The following ZFHX3 variants were observed in gnomAD, a reference collection of about 807,000 sequenced individuals.
ZFHX3 encodes zinc finger homeobox 3, also known as zinc finger homeobox protein 3.
Under a neutral mutation model 279.1 loss-of-function variants are expected in ZFHX3, and 42 were observed. The observed-to-expected ratio is 0.15, with a 90% CI of 0.12 to 0.19. The LOEUF is 0.19. Among genes scored for constraint, ZFHX3 ranks in the 10% least tolerant of loss-of-function variants. ZFHX3 has a pLI of 1.00. For missense variants in ZFHX3, 4,981 were observed against 4,754.0 expected (o/e 1.05, Z -1.40); for synonymous variants, 2,293 against 1,957.8 (o/e 1.17, Z -4.52).
At chr16:73,221,375 A>G (rs2012414775) in intron 5 of ZFHX3, among the ~76,000 whole-genome samples, 1 of 152,154 alleles carries the variant, frequency 6.6e-6, no homozygotes, top group African/African-American at 2.4e-5. Flanking sequence ...ATTGTTATAG[A>G]TTATTTATAC....
intron 4 of ZFHX3, among the ~76,000 whole-genome samples, chr16:73,271,087 G>A (rs914657094): frequency 6.6e-6 from 1 of 152,168 alleles, no homozygotes. Context: ...GATTTAATTT[G>A]TCTGGGGTGT....
intron 5 of ZFHX3, among the ~76,000 whole-genome samples, chr16:73,160,688 G>A (rs1967209320): frequency 6.6e-6 from 1 of 151,482 alleles, no homozygotes; most frequent in Admixed American, 6.6e-5. Context: ...AGAAAGAAAA[G>A]ATATTTGGAT....
intron 1 of ZFHX3, among the ~76,000 whole-genome samples, chr16:73,853,515 G>C (rs1225063202): frequency 6.6e-6 from 1 of 152,130 alleles, no homozygotes; most frequent in Non-Finnish European, 1.5e-5. Context: ...AGAATAAAAT[G>C]ATGTCCTTTG....
chr16:72,848,164 T>C (rs2037525110), intron 4 of ZFHX3, among the ~76,000 whole-genome samples: 1 of 152,068 alleles, frequency 6.6e-6, no homozygotes, highest in African/African-American at 2.4e-5. Context: ...TGAGGGGGAA[T>C]GGAGGGCAGG....
intron 1 of ZFHX3, among the ~76,000 whole-genome samples, chr16:73,840,051 G>T (rs1282161867): frequency 6.6e-6 from 1 of 152,178 alleles, no homozygotes; most frequent in Non-Finnish European, 1.5e-5. Context: ...CATCTGGAGT[G>T]AACAGGGACC....
chr16:73,227,713 A>G (rs1394454902), intron 5 of ZFHX3, among the ~76,000 whole-genome samples: 3 of 151,718 alleles, frequency 2.0e-5, no homozygotes, highest in Non-Finnish European at 1.5e-5. Flanking sequence ...TCCAGGTGTG[A>G]TGGTGTGAGC....
chr16:73,539,921 T>C (rs1201346352), intron 2 of ZFHX3, among the ~76,000 whole-genome samples: 1 of 152,190 alleles, frequency 6.6e-6, no homozygotes, highest in African/African-American at 2.4e-5. Context: ...ACAAACTGTT[T>C]TTCTCCCCAC....
At chr16:73,650,720 C>T (rs2052662465) in intron 2 of ZFHX3, among the ~76,000 whole-genome samples, 1 of 152,084 alleles carries the variant, frequency 6.6e-6, no homozygotes. Flanking sequence ...ATTAAGGTGA[C>T]AAATTCAATT....
rs1308538602 is a variant in ZFHX3 at position 73,047,775 on chromosome 16, C to G, written c.-73G>C. The G allele has an allele frequency of 2.0e-5, 3 of 152,310 alleles. No homozygotes were observed. The highest frequency in any genetic ancestry group is 7.2e-5 in the African/African-American group (3 of 41,444). The allele number at this position is 152,310 out of a possible 1,614,324, so 9.4% of individuals were successfully genotyped here. A position where few individuals can be genotyped will look rare whatever the true frequency, so the allele number is the denominator to read the frequency against. ...ACCTGGCACACCAAGCCTCCGCGCA[C>G]CTCCGGAGGGAGGCGGCACTTGCAG... On this transcript the variant is annotated 5_prime_UTR_variant, in exon 1 of 10. Transcript: ENST00000268489.
chr16:72,836,762 C>T (rs2037202466), intron 4 of ZFHX3, among the ~76,000 whole-genome samples: 1 of 152,060 alleles, frequency 6.6e-6, no homozygotes. Context: ...GCCTGGGATC[C>T]AAACCAGCAC....
At position 73,698,531 on chromosome 16, in the gene ZFHX3, G is replaced by A. The variant is rs769365842; in HGVS notation, c.-1607-18291C>T. Among the ~76,000 whole-genome samples the A allele has an allele frequency of 2.0e-4, 30 of 152,064 alleles. No individual in the cohort carries two copies. In the East Asian group the frequency reaches 2.1e-3, roughly 11 times the overall value. On this transcript the variant is annotated intron_variant, in intron 1 of 17. Coordinates refer to the ZFHX3 transcript ENST00000641206. ...TTAACCAAGAAACCAAGATAACGTC[G>A]TCAGTAATAAGACATATTGCTGTCA...
At chr16:73,831,264 G>A (rs954459669) in intron 1 of ZFHX3, among the ~76,000 whole-genome samples, 1 of 152,172 alleles carries the variant, frequency 6.6e-6, no homozygotes, top group Admixed American at 6.5e-5. Flanking sequence ...TGAAAGCAAA[G>A]TCCTCCTATT....
chr16:73,510,459 T>C (rs2019409719), intron 2 of ZFHX3, among the ~76,000 whole-genome samples: 1 of 152,210 alleles, frequency 6.6e-6, no homozygotes. Flanking sequence ...ACCATAACTA[T>C]AACATCAATC....
intron 3 of ZFHX3, among the ~76,000 whole-genome samples, chr16:72,931,404 TACACACACACACACACACACAC>T (rs59696404): frequency 2.5e-4 from 30 of 120,164 alleles, no homozygotes; most frequent in Non-Finnish European, 3.5e-4. Context: ...TTTATTTCAT[TACACACACACACACACACACAC>T]ACACACACAC....
At chr16:73,450,442 A>C (rs939656865) in intron 3 of ZFHX3, among the ~76,000 whole-genome samples, 1 of 150,764 alleles carries the variant, frequency 6.6e-6, no homozygotes, top group Non-Finnish European at 1.5e-5. Context: ...TGTAGCGGAC[A>C]TGTGTCATTT....
chr16:73,846,150 C>T (rs1007480156), intron 1 of ZFHX3, among the ~76,000 whole-genome samples: 3 of 152,056 alleles, frequency 2.0e-5, no homozygotes, highest in Non-Finnish European at 2.9e-5. Context: ...TACTTGGCAG[C>T]GGTGGTTACA....
chr16:72,842,220 T>C (rs1382362286), intron 4 of ZFHX3, among the ~76,000 whole-genome samples: 4 of 152,100 alleles, frequency 2.6e-5, no homozygotes, highest in South Asian at 4.1e-4. Context: ...GTTTTTTTTT[T>C]CTTTTTTCTT....
intron 8 of ZFHX3, among the ~76,000 whole-genome samples, chr16:73,091,221 A>G (rs961855009): frequency 6.6e-5 from 10 of 151,752 alleles, no homozygotes; most frequent in African/African-American, 2.4e-4. Context: ...GGAAAAAAAA[A>G]AAAAGAAAGC....
chr16:73,072,083 C>T (rs376148839), intron 8 of ZFHX3, among the ~76,000 whole-genome samples: 4 of 152,208 alleles, frequency 2.6e-5, no homozygotes, highest in Non-Finnish European at 4.4e-5. Context: ...ATCCCCAGCA[C>T]TCAGAAAGGT....
Sources: allele counts gnomAD v4.1 joint callset (sites outside exome capture counted in the v4.1 genomes callset), GRCh38; gene constraint gnomAD v4.1.1; transcripts MANE v1.5; gene names NCBI Gene and HGNC (gene_info 2026-07-23, HGNC 2026-07-21).